Variants in KLHL40 observed in about 807,000 individuals in gnomAD.
KLHL40 encodes kelch like family member 40, also known as kelch-like protein 40.
A neutral mutation model predicts 49.7 loss-of-function variants in KLHL40; 44 were observed. The ratio of observed to expected loss-of-function variants is 0.89; its 90% CI spans 0.70 to 1.14. The LOEUF (loss-of-function observed/expected upper bound fraction) is 1.14, where lower values mean the gene tolerates loss of function less well. Ranked by LOEUF, KLHL40 falls within the 50% of genes most tolerant of loss-of-function variation. The probability of loss-of-function intolerance (pLI) is 0.00; values close to 1 mark genes in which losing one functional copy is unlikely to be tolerated. For synonymous variants in KLHL40, 409 were observed against 365.2 expected (o/e 1.12, Z -1.37); for missense variants, 892 against 850.3 (o/e 1.05, Z -0.61).
In KLHL40 at chr3:42,686,125, C is replaced by T. The variant is rs2125844669; in HGVS notation, c.507C>T (p.Phe169=). 6.3e-7 allele frequency: 1 copy of T among 1,599,432 alleles called. No homozygotes were observed. The highest frequency in any genetic ancestry group is 1.7e-4 in the Middle Eastern group (1 of 6,056). The change falls in exon 1 of 6, where the codon TTC becomes TTT. Residue 169 remains phenylalanine (F), a synonymous_variant. Transcript: ENST00000287777. ...HFTLVARDAD[F]LGLSADELIA... is the part of the protein sequence containing the mutation. Reference sequence around the variant, plus strand: ...CGCTGGTGGCGCGCGACGCTGACTTCCTCGGACTCTCGGCCGACGAGCTCA... The same window carrying T: ...CGCTGGTGGCGCGCGACGCTGACTTTCTCGGACTCTCGGCCGACGAGCTCA...
rs752723768 is a variant in KLHL40 at position 42,686,810 on chromosome 3, C to A, written c.1152+40C>A. ...TTGGGAGCCGCCAGCTAATGCTGGG[C>A]TCTAGGCACTGTGGACAGTCTTGGG... is the stretch of plus-strand genomic sequence containing the variant. On this transcript the variant is annotated intron_variant, in intron 1 of 5. Coordinates refer to ENST00000287777, the MANE Select transcript of KLHL40 (RefSeq NM_152393.4). 5 of 1,531,470 alleles carry A rather than the reference C, an allele frequency of 3.3e-6. No individual in the cohort carries two copies. The African/African-American group carries it at 6.9e-5, about 21-fold the overall frequency. The allele number at this position is 1,531,470 out of a possible 1,614,324, so 94.9% of individuals were successfully genotyped here.
Position 42,686,373 on chromosome 3 carries a change from G to T in KLHL40, c.755G>T (p.Arg252Leu), listed in dbSNP as rs1469200203. 1.9e-6 allele frequency: 3 copies of T among 1,613,166 alleles called. No homozygotes were observed. Among genetic ancestry groups the T allele is most frequent in the East Asian group, 2.2e-5 (1 of 44,878 alleles). The change falls in exon 1 of 6, where the codon CGC becomes CTC. Residue 252 changes from arginine (R) to leucine (L), a missense_variant. Transcript: ENST00000287777. Reference sequence around the variant, plus strand: ...GTGCGTGCCCAGCCCGAGTTGCTGCGCAAGGTGCAGATGGTGAAGGATGCA... The same window carrying T: ...GTGCGTGCCCAGCCCGAGTTGCTGCTCAAGGTGCAGATGGTGAAGGATGCA... ...PLVRAQPELL[R>L]KVQMVKDAHE... is the part of the protein sequence containing the mutation.
rs1333378812 is a variant in KLHL40 at position 42,686,571 on chromosome 3, A to T, written c.953A>T (p.Asp318Val). The T allele has an allele frequency of 6.2e-7, 1 of 1,614,188 alleles. No individual in the cohort carries two copies. Among genetic ancestry groups the T allele is most frequent in the East Asian group, 2.2e-5 (1 of 44,884 alleles). Residue 318 changes from aspartate (D) to valine (V), a missense_variant, in exon 1 of 6, where the codon GAT becomes GTT. Coordinates refer to ENST00000287777, the MANE Select transcript of KLHL40 (RefSeq NM_152393.4). ...CTGCGCTTCGGCATGTTCCTGCAGG[A>T]TCTCATCTTCATGATCAGTGAGGAG... The part of the protein sequence containing the change: ...DTLRFGMFLQ[D>V]LIFMISEEGA...
In KLHL40 at chr3:42,690,997, C is replaced by A. The variant is rs202096553; in HGVS notation, c.1746C>A (p.Asp582Glu). The A allele has an allele frequency of 3.3e-4, 532 of 1,608,752 alleles. No individual in the cohort carries two copies. The highest frequency in any genetic ancestry group is 4.2e-4 in the Non-Finnish European group (499 of 1,177,176). ...SGELVPTELN[D>E]IWRYNEEEKK... ...AGCTGGTTCCCACAGAGCTCAATGACATCTGGAGGTGAGTCCCACCCTGGG... is the reference window on the plus strand; with the variant it reads ...AGCTGGTTCCCACAGAGCTCAATGAAATCTGGAGGTGAGTCCCACCCTGGG... The change falls in exon 5 of 6, where the codon GAC (aspartate) becomes GAA (glutamate). Residue 582 changes from aspartate to glutamate, a missense_variant. Physicochemically the swap from Asp to Glu is conservative, Grantham distance 45. Coordinates refer to ENST00000287777, the MANE Select transcript of KLHL40 (RefSeq NM_152393.4).
rs144534091 is a variant in KLHL40, at chr3:42,686,454, G to T, written c.836G>T (p.Gly279Val). 42 of 1,613,980 alleles carry T rather than the reference G, an allele frequency of 2.6e-5. 1 individual carries two copies. The African/African-American group carries it at 5.1e-4, about 19-fold the overall frequency. ...AAAAAGAAGGGGAAGGATGGAGCCG[G>T]GGCCAAGGAGGCTGATAAGGGCACA... ...RKKKKGKDGA[G>V]AKEADKGTSK... Residue 279 changes from glycine to valine, a missense_variant, in exon 1 of 6, where the codon GGG (glycine) becomes GTG (valine). Physicochemically the swap from Gly to Val is moderately radical, Grantham distance 109. Transcript: ENST00000287777.
rs1465945778 is a variant in KLHL40 at position 42,692,070 on chromosome 3, AAAG to A, written c.*79_*81del. On this transcript the variant is annotated 3_prime_UTR_variant, in exon 6 of 6. Transcript: ENST00000287777. ...GGCCTGGCCTTGTGGGGGCTCCAGA[AAAG>A]AGGCTAGGAGAGGCCAGAGTCTACC... is the stretch of plus-strand genomic sequence containing the variant. The A allele has an allele frequency of 2.2e-6, 2 of 913,632 alleles. No homozygotes were observed. Among genetic ancestry groups the A allele is most frequent in the Non-Finnish European group, 3.6e-6 (2 of 549,834 alleles). The allele number at this position is 913,632 out of a possible 1,614,324, so 56.6% of individuals were successfully genotyped here.
chr3:42,687,984 A>T (rs766702628), intron 1 of KLHL40, among the ~76,000 whole-genome samples, 158 bp from the exon 2 acceptor site: 2 of 151,920 alleles, frequency 1.3e-5, no homozygotes, highest in Admixed American at 6.6e-5. Context: ...TCTCAGCCTG[A>T]TGGTAGGAGG....
chr3:42,692,496 CT>C lies in KLHL40; in HGVS notation c.*504del. On this transcript the variant is annotated 3_prime_UTR_variant, in exon 6 of 6. Coordinates refer to ENST00000287777, the MANE Select transcript of KLHL40 (RefSeq NM_152393.4). ...GTTGAAGACTTGGGGCTTCAGTGTT[CT>C]GCTGTTGGGCTGCCAAGGTCGATGG... 1 of 560,026 alleles carries C rather than the reference CT, an allele frequency of 1.8e-6. No individual in the cohort carries two copies. The highest frequency in any genetic ancestry group is 2.2e-5 in the South Asian group (1 of 44,452). 34.7% of individuals were successfully genotyped at this position (560,026 alleles called of 1,614,324 possible).
At chr3:42,690,760 T>A in intron 4 of KLHL40, 99 bp from the exon 5 acceptor site, 2 of 1,334,534 alleles carry the variant, frequency 1.5e-6, no homozygotes, top group South Asian at 2.9e-5. Flanking sequence ...GGACTTGGAT[T>A]GCAAAGGGTT....
In KLHL40 at chr3:42,688,869, G is replaced by A. The variant is rs1307571662; in HGVS notation, c.1422G>A (p.Arg474=). The A allele has an allele frequency of 6.2e-7, 1 of 1,613,468 alleles. No homozygotes were observed. The highest frequency in any genetic ancestry group is 1.3e-5 in the African/African-American group (1 of 75,032). The part of the protein sequence containing the change: ...VYVIGGKGSD[R]KCLNKMCVYD... ...CCCATCCCCACCCTCCACCCCACAGGAAGTGCCTGAACAAGATGTGCGTCT... is the reference window on the plus strand; with the variant it reads ...CCCATCCCCACCCTCCACCCCACAGAAAGTGCCTGAACAAGATGTGCGTCT... Residue 474 remains arginine, a splice_region_variant and synonymous_variant, in exon 4 of 6, where the codon AGG becomes AGA. Transcript: ENST00000287777. This position sits in a 1 kb window ranked among gnomAD's most constrained non-coding sequence, Gnocchi z 4.2.
chr3:42,685,965 T>A lies in KLHL40; in HGVS notation c.347T>A (p.Ile116Asn). The stretch of plus-strand genomic sequence containing the variant: ...GCACACCGCTTCCAGATCCCTTCCA[T>A]CTTCACCATCTGCGTGTCCTTCCTG... ...AAAHRFQIPS[I>N]FTICVSFLQK... Residue 116 changes from isoleucine (I) to asparagine (N), a missense_variant, in exon 1 of 6, where the codon ATC becomes AAC. Coordinates refer to ENST00000287777, the MANE Select transcript of KLHL40 (RefSeq NM_152393.4). 1 of 1,611,892 alleles carries A rather than the reference T, an allele frequency of 6.2e-7. No homozygotes were observed. Among genetic ancestry groups the A allele is most frequent in the Middle Eastern group, 1.6e-4 (1 of 6,062 alleles).
At position 42,688,294 on chromosome 3, in the gene KLHL40, C is replaced by A. The variant is rs573886282; in HGVS notation, c.1305C>A (p.Tyr435Ter). ...GCTGCCTGGACTCGGTCATGTGCTA[C>A]GACAGGCTGTGAGCATGGCTGGGGT... ...GERCLDSVMC[Y>*]DRLSFKWGES... The change falls in exon 2 of 6, where the codon TAC becomes TAA. Residue 435 changes from tyrosine to a stop codon, truncating the protein, a stop_gained. Coordinates refer to ENST00000287777, the MANE Select transcript of KLHL40 (RefSeq NM_152393.4). LOFTEE classifies it high-confidence loss of function. This position sits in a 1 kb window ranked among gnomAD's most constrained non-coding sequence, Gnocchi z 4.2. 3 of 1,613,830 alleles carry A rather than the reference C, an allele frequency of 1.9e-6. No homozygotes were observed. The highest frequency in any genetic ancestry group is 2.5e-6 in the Non-Finnish European group (3 of 1,180,006).
chr3:42,688,859 C>T lies in KLHL40; in HGVS notation c.1422-10C>T, dbSNP rs377128183. 17 of 1,612,078 alleles carry T rather than the reference C, an allele frequency of 1.1e-5. No homozygotes were observed. The African/African-American group carries it at 2.1e-4, about 20-fold the overall frequency. On this transcript the variant is annotated splice_polypyrimidine_tract_variant and intron_variant, in intron 3 of 5. Transcript: ENST00000287777. This position sits in a 1 kb window ranked among gnomAD's most constrained non-coding sequence, Gnocchi z 4.2. ...CTTCTCTCCACCCATCCCCACCCTC[C>T]ACCCCACAGGAAGTGCCTGAACAAG...
At position 42,692,063 on chromosome 3, in the gene KLHL40, C is replaced by T; in HGVS notation, c.*70C>T. On this transcript the variant is annotated 3_prime_UTR_variant, in exon 6 of 6. Coordinates refer to ENST00000287777, the MANE Select transcript of KLHL40 (RefSeq NM_152393.4). ...CCTCACTGGCCTGGCCTTGTGGGGG[C>T]TCCAGAAAAGAGGCTAGGAGAGGCC... 1 of 974,032 alleles carries T rather than the reference C, an allele frequency of 1.0e-6. No individual in the cohort carries two copies. The highest frequency in any genetic ancestry group is 2.4e-5 in the East Asian group (1 of 41,364). The allele number at this position is 974,032 out of a possible 1,614,324, so 60.3% of individuals were successfully genotyped here.
In KLHL40 at chr3:42,692,323, C is replaced by T. The variant is rs989706273; in HGVS notation, c.*330C>T. 3.9e-5 allele frequency: 17 copies of T among 432,888 alleles called. No homozygotes were observed. In the South Asian group the frequency reaches 5.0e-4, roughly 13 times the overall value. 26.8% of individuals were successfully genotyped at this position (432,888 alleles called of 1,614,324 possible). On this transcript the variant is annotated 3_prime_UTR_variant, in exon 6 of 6. Transcript: ENST00000287777. The stretch of plus-strand genomic sequence containing the variant: ...TGTGCTGGCAAAGTTCCCCACAGGA[C>T]TCAGCCTTCTCGTCTGTCCGATGGG...
chr3:42,688,270 C>T lies in KLHL40; in HGVS notation c.1281C>T (p.Arg427=). 6.2e-7 allele frequency: 1 copy of T among 1,614,024 alleles called. No individual in the cohort carries two copies. Among genetic ancestry groups the T allele is most frequent in the Non-Finnish European group, 8.5e-7 (1 of 1,180,016 alleles). ...VGGREIKDGE[R]CLDSVMCYDR... ...GCAGAGAGATCAAGGACGGCGAGCG[C>T]TGCCTGGACTCGGTCATGTGCTACG... Residue 427 remains arginine, a synonymous_variant, in exon 2 of 6, where the codon CGC becomes CGT. Transcript: ENST00000287777. The surrounding 1 kb of genome is among the most constrained non-coding windows in gnomAD (Gnocchi z 4.2).
intron 4 of KLHL40, among the ~76,000 whole-genome samples, chr3:42,690,189 GGA>G (rs1252886237): frequency 6.6e-6 from 1 of 152,178 alleles, no homozygotes; most frequent in African/African-American, 2.4e-5. Context: ...AGCTCCCTCA[GGA>G]GAGAGAGTGT....
Position 42,692,218 on chromosome 3 carries a change from C to T in KLHL40, c.*225C>T. 3.7e-6 allele frequency: 2 copies of T among 540,118 alleles called. No individual in the cohort carries two copies. Among genetic ancestry groups the T allele is most frequent in the Non-Finnish European group, 3.3e-6 (1 of 301,230 alleles). The allele number at this position is 540,118 out of a possible 1,614,324, so 33.5% of individuals were successfully genotyped here. ...GCTTCTCCAGTGTTGCCATATCCCC[C>T]TAGGTTGTCTTGATCCATGAACCAG... On this transcript the variant is annotated 3_prime_UTR_variant, in exon 6 of 6. Transcript: ENST00000287777.
chr3:42,691,071 TG>T, intron 5 of KLHL40, 66 bp downstream of exon 5: 2 of 1,506,444 alleles, frequency 1.3e-6, no homozygotes, highest in South Asian at 1.3e-5. Context: ...AGCACCATGG[TG>T]GGGTACCAAG....
Sources: gnomAD v4.1 joint callset for allele counts (sites outside exome capture counted in the v4.1 genomes callset) on GRCh38, gnomAD v4.1.1 for gene constraint, Gnocchi (gnomAD v3.1) non-coding constraint, MANE v1.5 for transcripts, NCBI Gene and HGNC (gene_info 2026-07-23, HGNC 2026-07-21) for gene names.